Variants in SEZ6L observed in about 807,000 individuals in gnomAD.
SEZ6L encodes seizure 6-like protein.
SEZ6L carries 37 observed loss-of-function variants against 106.2 expected under a neutral mutation model. The observed-to-expected ratio is 0.35, with a 90% CI of 0.27 to 0.46. The LOEUF is 0.46. Ranked by LOEUF, SEZ6L falls within the 20% of genes least tolerant of loss-of-function variation. The pLI is 1.00. For synonymous variants in SEZ6L, 541 were observed against 570.4 expected (o/e 0.95, Z 0.73); for missense variants, 1,172 against 1,332.8 (o/e 0.88, Z 1.88).
intron 13 of SEZ6L, among the ~76,000 whole-genome samples, chr22:26,370,656 C>T (rs1054519659): frequency 2.0e-5 from 3 of 148,348 alleles, no homozygotes; most frequent in African/African-American, 7.5e-5. Flanking sequence ...TACACATAGA[C>T]ATATTTGGAA....
At chr22:26,277,486 G>C (rs960890061) in intron 1 of SEZ6L, among the ~76,000 whole-genome samples, 3 of 152,178 alleles carry the variant, frequency 2.0e-5, no homozygotes, top group African/African-American at 7.2e-5. Flanking sequence ...AATCAGTTGG[G>C]CTTCTGTTTG....
intron 9 of SEZ6L, among the ~76,000 whole-genome samples, chr22:26,331,904 AC>A (rs2082491476): frequency 6.6e-6 from 1 of 151,992 alleles, no homozygotes; most frequent in Non-Finnish European, 1.5e-5. Flanking sequence ...AATGGCTTAA[AC>A]CCGGGGAGGG....
chr22:26,229,731 A>G (rs945240372), intron 1 of SEZ6L, among the ~76,000 whole-genome samples: 5 of 152,076 alleles, frequency 3.3e-5, no homozygotes, highest in African/African-American at 4.8e-5. Context: ...TGGGACCTGG[A>G]AGCAGGTATT....
chr22:26,377,771 C>G lies in SEZ6L; in HGVS notation c.3041C>G (p.Thr1014Arg). The change falls in exon 16 of 17, where the codon ACA becomes AGA. Residue 1014 changes from threonine (T) to arginine (R), a missense_variant. Coordinates refer to ENST00000248933, the MANE Select transcript of SEZ6L (RefSeq NM_021115.5). ...ETEFDNPIYE[T>R]GETREYEVSI ...GAGTTTGACAACCCCATTTACGAGACAGGGGTGAGTTGGTCTCTCTCGTCT... is the reference window on the plus strand; with the variant it reads ...GAGTTTGACAACCCCATTTACGAGAGAGGGGTGAGTTGGTCTCTCTCGTCT... 2 of 1,606,732 alleles carry G rather than the reference C, an allele frequency of 1.2e-6. No homozygotes were observed. Among genetic ancestry groups the G allele is most frequent in the Non-Finnish European group, 1.7e-6 (2 of 1,173,260 alleles).
chr22:26,343,077 T>C (rs2082894189), intron 10 of SEZ6L, among the ~76,000 whole-genome samples: 1 of 152,198 alleles, frequency 6.6e-6, no homozygotes, highest in Non-Finnish European at 1.5e-5. Context: ...ATTGCTACAA[T>C]TTCTTGTGGG....
chr22:26,332,825 G>A (rs991303945), intron 9 of SEZ6L, among the ~76,000 whole-genome samples: 2 of 152,182 alleles, frequency 1.3e-5, no homozygotes, highest in Admixed American at 1.3e-4. Context: ...TCTTGAAAAC[G>A]TGTGTATGTG....
At chr22:26,196,846 C>T (rs572490493) in intron 1 of SEZ6L, among the ~76,000 whole-genome samples, 6 of 152,266 alleles carry the variant, frequency 3.9e-5, no homozygotes, top group Admixed American at 6.5e-5. Context: ...GATTCAAGGA[C>T]GTCTCCCAGG....
rs142934318 is a variant in SEZ6L, at chr22:26,246,729, G to T, written c.95-45677G>T. Among the ~76,000 whole-genome samples, 6 of 152,108 alleles carry T rather than the reference G, an allele frequency of 3.9e-5. No individual in the cohort carries two copies. The East Asian group carries it at 1.2e-3, about 29-fold the overall frequency. On this transcript the variant is annotated intron_variant, in intron 1 of 16. Coordinates refer to ENST00000248933, the MANE Select transcript of SEZ6L (RefSeq NM_021115.5). Reference sequence around the variant, plus strand: ...ATATTTGTTGAGTACGTAGCACTGCGCCTGGAAATGTTTATTGCATAGAAT... The same window carrying T: ...ATATTTGTTGAGTACGTAGCACTGCTCCTGGAAATGTTTATTGCATAGAAT...
chr22:26,266,875 A>G (rs995225156), intron 1 of SEZ6L, among the ~76,000 whole-genome samples: 4 of 152,068 alleles, frequency 2.6e-5, no homozygotes, highest in African/African-American at 9.7e-5. Context: ...GAAAGCAATG[A>G]ATGAATGAAT....
chr22:26,254,808 A>G (rs2079750993), intron 1 of SEZ6L, among the ~76,000 whole-genome samples: 1 of 152,162 alleles, frequency 6.6e-6, no homozygotes, highest in South Asian at 2.1e-4. Flanking sequence ...AGGAGGGTCT[A>G]GAATACAGCT....
intron 1 of SEZ6L, among the ~76,000 whole-genome samples, chr22:26,211,824 A>G (rs34419208): frequency 7.9e-4 from 118 of 149,678 alleles, no homozygotes; most frequent in Non-Finnish European, 1.5e-3. Context: ...AAAAAAAAAA[A>G]AAAAATTTAA....
At chr22:26,278,923 GGAA>G (rs936000091) in intron 1 of SEZ6L, among the ~76,000 whole-genome samples, 2 of 132,028 alleles carry the variant, frequency 1.5e-5, no homozygotes, top group African/African-American at 2.8e-5. Flanking sequence ...AGAGAGGAAG[GGAA>G]GAAGAAGAAA....
chr22:26,307,851 TG>T (rs963352029), intron 6 of SEZ6L, among the ~76,000 whole-genome samples: 61 of 152,258 alleles, frequency 4.0e-4, no homozygotes, highest in African/African-American at 1.4e-3. Context: ...TGCATCAAAA[TG>T]AGTATTTTCT....
intron 9 of SEZ6L, among the ~76,000 whole-genome samples, chr22:26,326,301 G>A (rs1008146529): frequency 1.3e-5 from 2 of 152,120 alleles, no homozygotes; most frequent in East Asian, 1.9e-4. Context: ...AGGGAGACAC[G>A]ACTGCTTGTT....
chr22:26,340,674 A>C (rs369572509), intron 10 of SEZ6L, 42 bp downstream of exon 10: 19 of 1,546,568 alleles, frequency 1.2e-5, no homozygotes, highest in Non-Finnish European at 8.8e-7. Context: ...CTTTGTGTTT[A>C]GATACAGGTT....
chr22:26,299,240 C>CTCTCGGTGTCCTA, intron 5 of SEZ6L, 71 bp downstream of exon 5: 2 of 1,213,036 alleles, frequency 1.6e-6, no homozygotes, highest in Non-Finnish European at 2.1e-6. Context: ...CTGTAGGACA[C>CTCTCGGTGTCCTA]CGAGAGTGAC....
intron 9 of SEZ6L, among the ~76,000 whole-genome samples, chr22:26,327,834 C>T (rs2082367871): frequency 6.6e-6 from 1 of 152,214 alleles, no homozygotes; most frequent in South Asian, 2.1e-4. Flanking sequence ...ATGTAGAAGG[C>T]CCTGGGTTCC....
At chr22:26,211,527 C>T (rs1275154262) in intron 1 of SEZ6L, among the ~76,000 whole-genome samples, 2 of 152,162 alleles carry the variant, frequency 1.3e-5, no homozygotes, top group African/African-American at 2.4e-5. Flanking sequence ...AATAGCTCTA[C>T]AGAGCGTTAG....
chr22:26,190,259 A>G (rs961070930), intron 1 of SEZ6L, among the ~76,000 whole-genome samples: 9 of 152,182 alleles, frequency 5.9e-5, no homozygotes, highest in Non-Finnish European at 1.2e-4. Flanking sequence ...TTTCAGATAA[A>G]CAAGTTGTCA....
Sources: gnomAD v4.1 joint callset for allele counts (sites outside exome capture counted in the v4.1 genomes callset) on GRCh38, gnomAD v4.1.1 for gene constraint, MANE v1.5 for transcripts, NCBI Gene and HGNC (gene_info 2026-07-23, HGNC 2026-07-21) for gene names.